ARHGEF26: variants seen among roughly 807,000 people sequenced by gnomAD.
ARHGEF26 encodes Rho guanine nucleotide exchange factor 26.
ARHGEF26 carries 59 observed loss-of-function variants against 89.4 expected under a neutral mutation model. The observed-to-expected ratio is 0.66, with a 90% confidence interval of 0.54 to 0.82. The LOEUF (loss-of-function observed/expected upper bound fraction) is 0.82. Among genes scored for constraint, ARHGEF26 ranks in the 40% least tolerant of loss-of-function variants. The pLI, the probability that ARHGEF26 is intolerant of heterozygous loss-of-function variation, is 0.00. For synonymous variants in ARHGEF26, 500 were observed against 428.4 expected, an observed-to-expected ratio of 1.17 and a Z score of -2.06; for missense variants, 1,234 against 1,085.6, an observed-to-expected ratio of 1.14 and a Z score of -1.92.
At chr3:154,168,693 ATGTAT>A (rs1283615752) in intron 6 of ARHGEF26, among the ~76,000 whole-genome samples, 4 of 152,176 alleles carry the variant, frequency 2.6e-5, no homozygotes, top group Non-Finnish European at 5.9e-5. Context: ...CCTTCTGTTG[ATGTAT>A]TATATTAGTT....
chr3:154,189,638 G>A (rs985015038), intron 7 of ARHGEF26, among the ~76,000 whole-genome samples: 2 of 151,846 alleles, frequency 1.3e-5, no homozygotes, highest in Non-Finnish European at 2.9e-5. Flanking sequence ...CGCCCAGCCC[G>A]CAGTTTATGT....
At chr3:154,235,307 C>A (rs995328338) in intron 11 of ARHGEF26, among the ~76,000 whole-genome samples, 6 of 152,068 alleles carry the variant, frequency 3.9e-5, no homozygotes, top group African/African-American at 1.4e-4. Flanking sequence ...TAGAAGAAAC[C>A]TGTTAAGTTT....
chr3:154,167,725 T>C (rs576596194), intron 6 of ARHGEF26, among the ~76,000 whole-genome samples: 2 of 152,342 alleles, frequency 1.3e-5, no homozygotes, highest in African/African-American at 4.8e-5. Context: ...ATTTCTAGTT[T>C]GAATGCATAA....
chr3:154,253,665 TAAGA>T (rs936226019), intron 13 of ARHGEF26, among the ~76,000 whole-genome samples: 12 of 152,158 alleles, frequency 7.9e-5, no homozygotes, highest in African/African-American at 2.9e-4. Context: ...TTTGACCTTC[TAAGA>T]AAGTGTGTTT....
intron 4 of ARHGEF26, among the ~76,000 whole-genome samples, chr3:154,130,116 A>G (rs1718594303): frequency 6.6e-6 from 1 of 150,468 alleles, no homozygotes; most frequent in East Asian, 1.9e-4. Context: ...TCTCTGCACA[A>G]TAGAAAGCTA....
chr3:154,225,900 T>C lies in ARHGEF26; in HGVS notation c.1980T>C (p.Gly660=), dbSNP rs755119415. The C allele has an allele frequency of 3.1e-6, 5 of 1,610,288 alleles. No individual in the cohort carries two copies. The Admixed American group carries it at 6.7e-5, about 22-fold the overall frequency. The change falls in exon 11 of 15, where the codon GGT becomes GGC. Residue 660 remains glycine (G), a synonymous_variant. Transcript: ENST00000465093. The stretch of plus-strand genomic sequence containing the variant: ...CTTCCCGGTGGTTGGTAAAAAGAGG[T>C]GAATTGACAGCCTATGTTGAAGACA... ...VSSSRWLVKR[G]ELTAYVEDTV...
intron 11 of ARHGEF26, among the ~76,000 whole-genome samples, chr3:154,227,209 G>C (rs1716544119): frequency 6.6e-6 from 1 of 151,854 alleles, no homozygotes. Context: ...TTCATACTTA[G>C]GAAAATTCTA....
intron 7 of ARHGEF26, among the ~76,000 whole-genome samples, chr3:154,190,275 G>A (rs1293227486): frequency 6.6e-6 from 1 of 152,146 alleles, no homozygotes; most frequent in African/African-American, 2.4e-5. Flanking sequence ...ACTTTGGGAG[G>A]CCGAGGCAGG....
intron 6 of ARHGEF26, among the ~76,000 whole-genome samples, chr3:154,159,750 T>G (rs961518705): frequency 6.6e-6 from 1 of 152,156 alleles, no homozygotes; most frequent in Non-Finnish European, 1.5e-5. Flanking sequence ...TAAACTTTAA[T>G]GCATAAGCAA....
chr3:154,211,523 G>A (rs1346672140), intron 9 of ARHGEF26, among the ~76,000 whole-genome samples: 1 of 151,876 alleles, frequency 6.6e-6, no homozygotes, highest in East Asian at 1.9e-4. Flanking sequence ...GGGGGTGGGT[G>A]GGGGGTGGCA....
At chr3:154,141,212 G>T (rs1010506644) in intron 4 of ARHGEF26, among the ~76,000 whole-genome samples, 2 of 152,004 alleles carry the variant, frequency 1.3e-5, no homozygotes, top group Admixed American at 6.6e-5. Flanking sequence ...TTTTCCGCCC[G>T]CCTCGGCCTC....
intron 12 of ARHGEF26, among the ~76,000 whole-genome samples, chr3:154,249,294 A>C (rs114832196): frequency 6.6e-6 from 1 of 152,198 alleles, no homozygotes; most frequent in South Asian, 2.1e-4. Flanking sequence ...CTGGTATTCC[A>C]TAAGAAGTGA....
At chr3:154,223,080 G>T (rs1051740377) in intron 10 of ARHGEF26, among the ~76,000 whole-genome samples, 1 of 152,066 alleles carries the variant, frequency 6.6e-6, no homozygotes, top group Admixed American at 6.6e-5. Flanking sequence ...GAAGAATTTT[G>T]TTTTTTTGTC....
intron 9 of ARHGEF26, among the ~76,000 whole-genome samples, chr3:154,197,270 T>C (rs112343933): frequency 3.3e-5 from 5 of 152,168 alleles, no homozygotes; most frequent in Admixed American, 2.0e-4. Flanking sequence ...ATCGTTGATA[T>C]AGTCAGCTCA....
At chr3:154,236,127 C>G (rs550772017) in intron 11 of ARHGEF26, among the ~76,000 whole-genome samples, 1 of 152,238 alleles carries the variant, frequency 6.6e-6, no homozygotes, top group Admixed American at 6.5e-5. Flanking sequence ...GAACCAAACA[C>G]TGACCTGCTT....
At chr3:154,206,781 C>G (rs895092914) in intron 9 of ARHGEF26, among the ~76,000 whole-genome samples, 1 of 152,098 alleles carries the variant, frequency 6.6e-6, no homozygotes, top group African/African-American at 2.4e-5. Context: ...TCCTATGGAA[C>G]AAACGAAGAG....
chr3:154,255,180 TC>T, intron 14 of ARHGEF26, 150 bp from the exon 15 acceptor site: 2 of 767,402 alleles, frequency 2.6e-6, no homozygotes. Context: ...TGTCATTCAT[TC>T]CCCCTCGAAA....
intron 3 of ARHGEF26, among the ~76,000 whole-genome samples, chr3:154,128,391 C>G (rs1718463952): frequency 6.6e-6 from 1 of 152,142 alleles, no homozygotes; most frequent in Non-Finnish European, 1.5e-5. Context: ...GGGTGCACCA[C>G]CACACTCGGC....
intron 6 of ARHGEF26, among the ~76,000 whole-genome samples, chr3:154,187,467 AT>A (rs1166530423): frequency 1.3e-5 from 2 of 150,020 alleles, no homozygotes; most frequent in Non-Finnish European, 2.9e-5. Flanking sequence ...AAGTGCTGAG[AT>A]TATAGGCGTG....
Sources: allele counts gnomAD v4.1 joint callset (sites outside exome capture counted in the v4.1 genomes callset), GRCh38; gene constraint gnomAD v4.1.1; transcripts MANE v1.5; gene names NCBI Gene and HGNC (gene_info 2026-07-23, HGNC 2026-07-21).